The following TNRC6B variants were observed in gnomAD, a reference collection of about 807,000 sequenced individuals.
The protein encoded by TNRC6B is trinucleotide repeat-containing gene 6B protein.
Under a neutral mutation model 203.6 loss-of-function variants are expected in TNRC6B, and 52 were observed. The ratio of observed to expected loss-of-function variants is 0.26; its 90% CI spans 0.20 to 0.32. The LOEUF (loss-of-function observed/expected upper bound fraction) is 0.32, where lower values mean the gene tolerates loss of function less well. Among genes scored for constraint, TNRC6B ranks in the 10% least tolerant of loss-of-function variants. The pLI, the probability that TNRC6B is intolerant of heterozygous loss-of-function variation, is 1.00. For synonymous variants in TNRC6B, 838 were observed against 845.7 expected (o/e 0.99, Z 0.16); for missense variants, 1,923 against 2,286.2 (o/e 0.84, Z 3.24).
intron 1 of TNRC6B, among the ~76,000 whole-genome samples, chr22:40,046,578 A>G (rs367739534): frequency 1.3e-5 from 2 of 151,988 alleles, no homozygotes; most frequent in South Asian, 2.1e-4. Flanking sequence ...CATGCCCTTG[A>G]AAAAGATTTC....
chr22:40,212,892 T>C (rs5995840), intron 1 of TNRC6B, among the ~76,000 whole-genome samples: 102,763 of 151,778 alleles, frequency 0.68, 36,595 homozygotes, highest in African/African-American at 0.9. Flanking sequence ...TCAAGTGATC[T>C]GCCTGCCTCA....
At chr22:40,276,804 T>A (rs951502376) in intron 7 of TNRC6B, 6 of 280,466 alleles carry the variant, frequency 2.1e-5, no homozygotes, top group Non-Finnish European at 3.9e-5. Context: ...CATATCAGAC[T>A]TCTTTCTATT....
chr22:40,259,047 T>A (rs745715864), intron 3 of TNRC6B, among the ~76,000 whole-genome samples: 6 of 152,170 alleles, frequency 3.9e-5, no homozygotes, highest in African/African-American at 7.2e-5. Flanking sequence ...ATTTCTCCAG[T>A]CTCTGCCAAC....
Position 40,315,484 on chromosome 22 carries a change from C to T in TNRC6B, c.4880C>T (p.Thr1627Ile), listed in dbSNP as rs780097544. 1.9e-6 allele frequency: 3 copies of T among 1,613,892 alleles called. No individual in the cohort carries two copies. Among genetic ancestry groups the T allele is most frequent in the Middle Eastern group, 1.6e-4 (1 of 6,082 alleles). Residue 1627 changes from threonine to isoleucine, a missense_variant, in exon 20 of 23, where the codon ACA (threonine) becomes ATA (isoleucine). Physicochemically the swap from Thr to Ile is moderately conservative, Grantham distance 89. Around this residue, in one of 8 missense-constraint regions of TNRC6B, gnomAD observed 159 missense variants for 181.0 expected, o/e 0.88. Transcript: ENST00000454349. ...TAPRSVRGWGTQDSRLASAST... is the reference protein window; with the variant it reads ...TAPRSVRGWGIQDSRLASAST... ...CCCCGATCAGTCAGGGGGTGGGGGA[C>T]ACAGGACTCACGGCTCGCCTCGGGT...
In TNRC6B at chr22:40,315,374, T is replaced by A; in HGVS notation, c.4770T>A (p.Ile1590=). ...CCAACAAGATGTGGAAAAACCATAT[T>A]TCCTCCAGGAACACTACACCGCTGC... ...HLSNKMWKNH[I]SSRNTTPLPR... is the part of the protein sequence containing the mutation. The change falls in exon 20 of 23, where the codon ATT becomes ATA. Residue 1590 remains isoleucine (I), a synonymous_variant. Transcript: ENST00000454349. The A allele has an allele frequency of 6.2e-7, 1 of 1,613,916 alleles. No individual in the cohort carries two copies. Among genetic ancestry groups the A allele is most frequent in the Non-Finnish European group, 8.5e-7 (1 of 1,179,874 alleles).
chr22:40,287,351 T>G (rs1855200894), intron 12 of TNRC6B, among the ~76,000 whole-genome samples: 1 of 152,222 alleles, frequency 6.6e-6, no homozygotes, highest in African/African-American at 2.4e-5. Flanking sequence ...GGGCTTAAAA[T>G]ATTTATTTGA....
chr22:40,123,945 C>G (rs1041658414), intron 2 of TNRC6B, among the ~76,000 whole-genome samples: 6 of 138,976 alleles, frequency 4.3e-5, no homozygotes, highest in Non-Finnish European at 9.1e-5. Context: ...GGGACAAAAT[C>G]AACTAGAGAA....
chr22:40,119,066 G>T (rs1164513575), intron 2 of TNRC6B, among the ~76,000 whole-genome samples: 1 of 152,178 alleles, frequency 6.6e-6, no homozygotes, highest in Non-Finnish European at 1.5e-5. Flanking sequence ...ACAGGCAAGG[G>T]CTGGATCCTG....
intron 1 of TNRC6B, among the ~76,000 whole-genome samples, chr22:40,072,118 A>AGAG (rs2067954613): frequency 6.6e-6 from 1 of 152,182 alleles, no homozygotes; most frequent in Non-Finnish European, 1.5e-5. Flanking sequence ...CTGCCTCTCA[A>AGAG]AGCACTGGGA....
At chr22:40,322,048 G>C (rs1463356733) in intron 22 of TNRC6B, among the ~76,000 whole-genome samples, 2 of 152,192 alleles carry the variant, frequency 1.3e-5, no homozygotes, top group African/African-American at 2.4e-5. Flanking sequence ...CCAGGGATGA[G>C]GGGGCTCAGG....
chr22:40,232,739 G>T (rs539077898), intron 1 of TNRC6B, among the ~76,000 whole-genome samples: 3 of 152,340 alleles, frequency 2.0e-5, no homozygotes, highest in African/African-American at 7.2e-5. Context: ...CTGGCTGGGT[G>T]CAGTGGTGCA....
At chr22:40,176,981 G>A (rs1317842107), upstream of TNRC6B, among the ~76,000 whole-genome samples, 6 of 152,186 alleles carry the variant, frequency 3.9e-5, no homozygotes, top group Non-Finnish European at 8.8e-5. Flanking sequence ...CGGAGGCCAG[G>A]CAGGGTGGGA....
At chr22:40,125,373 C>T (rs2068481354) in intron 2 of TNRC6B, among the ~76,000 whole-genome samples, 1 of 152,152 alleles carries the variant, frequency 6.6e-6, no homozygotes, top group Non-Finnish European at 1.5e-5. Flanking sequence ...GCCTAATACC[C>T]AGGCACTGTG....
intron 8 of TNRC6B, 139 bp downstream of exon 8, chr22:40,277,290 G>A (rs1431117946): frequency 1.8e-6 from 1 of 552,288 alleles, no homozygotes; most frequent in Non-Finnish European, 3.0e-6. Context: ...GACCTTTTGA[G>A]TTAAGTAATA....
At chr22:40,210,524 A>C (rs1018914775) in intron 1 of TNRC6B, among the ~76,000 whole-genome samples, 3 of 152,194 alleles carry the variant, frequency 2.0e-5, no homozygotes, top group African/African-American at 7.2e-5. Context: ...GAAAACTGTT[A>C]ACACTTTGGT....
chr22:40,151,544 A>T (rs1262648104), intron 3 of TNRC6B, among the ~76,000 whole-genome samples: 1 of 75,338 alleles, frequency 1.3e-5, no homozygotes. Flanking sequence ...TCTCAAAAAA[A>T]AAAAAAAAGA....
At position 40,266,506 on chromosome 22, in the gene TNRC6B, G is replaced by A. The variant is rs1324978443; in HGVS notation, c.2276G>A (p.Ser759Asn). 6.2e-7 allele frequency: 1 copy of A among 1,613,852 alleles called. No homozygotes were observed. Among genetic ancestry groups the A allele is most frequent in the South Asian group, 1.1e-5 (1 of 91,058 alleles). ...GAGGAAGTCGATCAGACAAAAAACA[G>A]CAATTGGGAAAGTTCTGCAAGTAAA... Reference protein sequence around the residue: ...WGEEVDQTKNSNWESSASKPV... With the variant: ...WGEEVDQTKNNNWESSASKPV... Residue 759 changes from serine (S) to asparagine (N), a missense_variant, in exon 5 of 23, where the codon AGC becomes AAC. By Grantham distance (46) the Ser-to-Asn change is conservative. Transcript: ENST00000454349.
chr22:40,317,651 T>A (rs2071277201), intron 21 of TNRC6B, among the ~76,000 whole-genome samples: 4 of 152,294 alleles, frequency 2.6e-5, no homozygotes, highest in Admixed American at 2.6e-4. Flanking sequence ...ATGGCATTAC[T>A]ATAATTTGCT....
intron 1 of TNRC6B, among the ~76,000 whole-genome samples, chr22:40,239,072 A>T (rs1409239148): frequency 6.6e-6 from 1 of 152,146 alleles, no homozygotes; most frequent in African/African-American, 2.4e-5. Context: ...GCGTGGTGGC[A>T]GGCGCCTGTA....
Sources: gnomAD v4.1 joint callset for allele counts (sites outside exome capture counted in the v4.1 genomes callset) on GRCh38, gnomAD v4.1.1 for gene constraint, gnomAD v4.1.1 regional missense constraint, MANE v1.5 for transcripts, NCBI Gene and HGNC (gene_info 2026-07-23, HGNC 2026-07-21) for gene names.